OXSR1: variants seen among roughly 807,000 people sequenced by gnomAD.
OXSR1 encodes serine/threonine-protein kinase OSR1.
A neutral mutation model predicts 79.8 loss-of-function variants in OXSR1; 24 were observed. The ratio of observed to expected loss-of-function variants is 0.30; its 90% confidence interval spans 0.22 to 0.42. OXSR1 has a LOEUF of 0.42. Ranked by LOEUF, OXSR1 falls within the 10% of genes least tolerant of loss-of-function variation. The probability of loss-of-function intolerance (pLI) is 1.00; values close to 1 mark genes in which losing one functional copy is unlikely to be tolerated. For synonymous variants in OXSR1, 226 were observed against 209.2 expected, an observed-to-expected ratio of 1.08 and a Z score of -0.69; for missense variants, 430 against 618.4, an observed-to-expected ratio of 0.70 and a Z score of 3.23.
intron 4 of OXSR1, among the ~76,000 whole-genome samples, chr3:38,211,530 A>G (rs1447153478): frequency 6.6e-6 from 1 of 152,220 alleles, no homozygotes; most frequent in Non-Finnish European, 1.5e-5. Context: ...AATGTTTTAT[A>G]AAGATAATTA....
chr3:38,185,274 A>G (rs1039129539), intron 2 of OXSR1, among the ~76,000 whole-genome samples: 3 of 152,192 alleles, frequency 2.0e-5, no homozygotes, highest in Admixed American at 6.5e-5. Flanking sequence ...AATCACAGTT[A>G]TAACAAACTA....
At chr3:38,251,564 C>G in intron 16 of OXSR1, 93 bp downstream of exon 16, 1 of 914,346 alleles carries the variant, frequency 1.1e-6, no homozygotes. Flanking sequence ...CTGAGTAGGT[C>G]TGATGGTTCT....
At position 38,253,754 on chromosome 3, in the gene OXSR1, T is replaced by G. The variant is rs1703306371; in HGVS notation, c.*863T>G. 6.1e-6 allele frequency: 1 copy of G among 163,342 alleles called. No homozygotes were observed. The highest frequency in any genetic ancestry group is 2.4e-5 in the African/African-American group (1 of 41,936). 10.1% of individuals were successfully genotyped at this position (163,342 alleles called of 1,614,324 possible). On this transcript the variant is annotated 3_prime_UTR_variant, in exon 18 of 18. Coordinates refer to ENST00000311806, the MANE Select transcript of OXSR1 (RefSeq NM_005109.3). ...ATCAAATTGAAGAAAAACTCAATCC[T>G]CCCATGAAAATCAGTTCGCCTGGCC...
At chr3:38,216,794 C>T (rs1575345964) in intron 5 of OXSR1, among the ~76,000 whole-genome samples, 1 of 152,098 alleles carries the variant, frequency 6.6e-6, no homozygotes, top group Non-Finnish European at 1.5e-5. Flanking sequence ...GATAATCACC[C>T]AAATCTTAAA....
chr3:38,232,106 C>T (rs1702820399), intron 10 of OXSR1, among the ~76,000 whole-genome samples: 1 of 150,486 alleles, frequency 6.6e-6, no homozygotes, highest in Admixed American at 6.6e-5. Flanking sequence ...GACTCTGTCT[C>T]AAAAAAAACA....
intron 3 of OXSR1, among the ~76,000 whole-genome samples, chr3:38,192,081 A>G (rs560576104): frequency 2.0e-5 from 3 of 151,982 alleles, no homozygotes; most frequent in African/African-American, 2.4e-5. Context: ...GGGTTTAAAA[A>G]TTTTCCTTTT....
intron 11 of OXSR1, among the ~76,000 whole-genome samples, chr3:38,237,504 A>T (rs993365324): frequency 6.6e-6 from 1 of 152,188 alleles, no homozygotes; most frequent in Admixed American, 6.6e-5. Context: ...GGAAGTGTTT[A>T]TAAGGAAATA....
chr3:38,183,826 C>T (rs927314719), intron 2 of OXSR1, among the ~76,000 whole-genome samples: 1 of 152,050 alleles, frequency 6.6e-6, no homozygotes, highest in African/African-American at 2.4e-5. Context: ...CATTGTGCTA[C>T]CCAGAATAGT....
Position 38,165,658 on chromosome 3 carries a change from C to T in OXSR1, c.-219C>T. On this transcript the variant is annotated 5_prime_UTR_variant, in exon 1 of 18. Transcript: ENST00000311806. ...GGGCTGGGCCGGGCAGTGCCGGACTCGGAGGAGCAGGAGGCGAGGTCCGCC... is the reference window on the plus strand; with the variant it reads ...GGGCTGGGCCGGGCAGTGCCGGACTTGGAGGAGCAGGAGGCGAGGTCCGCC... 1.9e-6 allele frequency: 1 copy of T among 529,148 alleles called. No homozygotes were observed. The highest frequency in any genetic ancestry group is 3.4e-5 in the East Asian group (1 of 29,764). The allele number at this position is 529,148 out of a possible 1,614,324, so 32.8% of individuals were successfully genotyped here. A position where few individuals can be genotyped will look rare whatever the true frequency, so the allele number is the denominator to read the frequency against.
chr3:38,177,848 A>G (rs1330506303), intron 1 of OXSR1, among the ~76,000 whole-genome samples: 1 of 151,978 alleles, frequency 6.6e-6, no homozygotes, highest in Non-Finnish European at 1.5e-5. Context: ...TCAGCTTCCC[A>G]AAGTGCTGAG....
Position 38,247,314 on chromosome 3 carries a change from A to G in OXSR1, c.1258-354A>G, listed in dbSNP as rs139273983. Among the ~76,000 whole-genome samples the G allele has an allele frequency of 5.8e-3, 882 of 152,272 alleles. 4 individuals are homozygous for G. The highest frequency in any genetic ancestry group is 0.031 in the South Asian group (151 of 4,822). ...CAGGGTCTACCTTTTGTACTGCCAT[A>G]TGGTGCACTGGCAGATTTTTTAAAA... On this transcript the variant is annotated intron_variant, in intron 13 of 17. Coordinates refer to ENST00000311806, the MANE Select transcript of OXSR1 (RefSeq NM_005109.3).
At chr3:38,181,828 ATT>A (rs369042373) in intron 1 of OXSR1, among the ~76,000 whole-genome samples, 12,542 of 141,408 alleles carry the variant, frequency 0.089, 667 homozygotes, top group African/African-American at 0.16. Flanking sequence ...ATGACATGTC[ATT>A]TTTTTTTTTT....
intron 4 of OXSR1, among the ~76,000 whole-genome samples, chr3:38,214,888 A>G (rs905738904): frequency 6.6e-6 from 1 of 152,210 alleles, no homozygotes; most frequent in African/African-American, 2.4e-5. Flanking sequence ...GGGACCAGGG[A>G]TAGGATGAAG....
At chr3:38,183,807 T>A (rs1189712043) in intron 2 of OXSR1, among the ~76,000 whole-genome samples, 1 of 152,226 alleles carries the variant, frequency 6.6e-6, no homozygotes, top group Admixed American at 6.5e-5. Flanking sequence ...GTATTGTATT[T>A]TTTTTAGGCA....
intron 10 of OXSR1, 190 bp downstream of exon 10, chr3:38,230,620 C>A (rs2125842586): frequency 3.9e-6 from 2 of 517,552 alleles, no homozygotes; most frequent in East Asian, 3.4e-5. Context: ...TATTACTCTG[C>A]TATCTTTTAG....
chr3:38,191,940 A>G (rs766808195), intron 3 of OXSR1, among the ~76,000 whole-genome samples: 8 of 152,196 alleles, frequency 5.3e-5, no homozygotes, highest in Admixed American at 3.9e-4. Context: ...TTCGTTATCA[A>G]CTGGGACGCT....
intron 10 of OXSR1, among the ~76,000 whole-genome samples, chr3:38,235,170 T>C (rs1702894038): frequency 6.6e-6 from 1 of 152,216 alleles, no homozygotes; most frequent in Non-Finnish European, 1.5e-5. Context: ...ATGGTAGTGA[T>C]GGTTGCACAA....
chr3:38,244,407 A>G (rs1703094370), intron 12 of OXSR1, among the ~76,000 whole-genome samples: 1 of 152,128 alleles, frequency 6.6e-6, no homozygotes, highest in African/African-American at 2.4e-5. Context: ...ATCTTCCCAT[A>G]CTAAAACTCT....
At chr3:38,222,989 TAAC>T (rs1702618694) in intron 6 of OXSR1, among the ~76,000 whole-genome samples, 1 of 152,214 alleles carries the variant, frequency 6.6e-6, no homozygotes, top group Non-Finnish European at 1.5e-5. Context: ...ATACCATACT[TAAC>T]AGTTTCTTCA....
Sources: gnomAD v4.1 joint callset for allele counts (sites outside exome capture counted in the v4.1 genomes callset) on GRCh38, gnomAD v4.1.1 for gene constraint, MANE v1.5 for transcripts, NCBI Gene and HGNC (gene_info 2026-07-23, HGNC 2026-07-21) for gene names.